HS6ST3: variants seen among roughly 807,000 people sequenced by gnomAD.
The protein encoded by HS6ST3 is heparan-sulfate 6-O-sulfotransferase 3.
In HS6ST3, 12 loss-of-function variants were observed where a neutral mutation model predicts 36.7. The ratio of observed to expected loss-of-function variants is 0.33; its 90% confidence interval spans 0.21 to 0.53. The LOEUF is 0.53. Among genes scored for constraint, HS6ST3 ranks in the 20% least tolerant of loss-of-function variants. HS6ST3 has a pLI of 0.95. For missense variants in HS6ST3, 584 were observed against 640.9 expected, an observed-to-expected ratio of 0.91 and a Z score of 0.96; for synonymous variants, 240 against 257.5, an observed-to-expected ratio of 0.93 and a Z score of 0.65.
intron 1 of HS6ST3, among the ~76,000 whole-genome samples, chr13:96,786,026 G>GC (rs1158812068): frequency 6.6e-6 from 1 of 152,092 alleles, no homozygotes; most frequent in Admixed American, 6.6e-5. Flanking sequence ...TAAACTTTGT[G>GC]CCATAACCTA....
intron 1 of HS6ST3, among the ~76,000 whole-genome samples, chr13:96,518,433 T>A (rs191483146): frequency 6.7e-4 from 102 of 152,314 alleles, no homozygotes; most frequent in African/African-American, 2.2e-3. Flanking sequence ...CTATATATTA[T>A]GTAGCAACTT....
intron 1 of HS6ST3, among the ~76,000 whole-genome samples, chr13:96,783,783 G>A (rs1213366121): frequency 1.3e-5 from 2 of 151,980 alleles, no homozygotes; most frequent in African/African-American, 4.8e-5. Flanking sequence ...AACAGAGCCC[G>A]GAAGTGATGT....
chr13:96,640,350 T>G (rs2056566194), intron 1 of HS6ST3, among the ~76,000 whole-genome samples: 2 of 152,054 alleles, frequency 1.3e-5, no homozygotes, highest in East Asian at 3.9e-4. Context: ...GTTTGTTGGC[T>G]GCTTATATGT....
At chr13:96,105,258 G>A (rs2053836432) in intron 1 of HS6ST3, among the ~76,000 whole-genome samples, 2 of 152,020 alleles carry the variant, frequency 1.3e-5, no homozygotes, top group Admixed American at 1.3e-4. Flanking sequence ...GTTCTAAGCT[G>A]TGGAAAGACA....
At chr13:96,448,127 ATCT>A (rs1490827934) in intron 1 of HS6ST3, among the ~76,000 whole-genome samples, 9 of 152,304 alleles carry the variant, frequency 5.9e-5, no homozygotes, top group African/African-American at 2.2e-4. Context: ...CCCTTCTCAA[ATCT>A]TCTTATCTTT....
intron 1 of HS6ST3, among the ~76,000 whole-genome samples, chr13:96,621,907 G>C (rs994361377): frequency 6.6e-6 from 1 of 152,210 alleles, no homozygotes; most frequent in Non-Finnish European, 1.5e-5. Context: ...GGAAAAGATA[G>C]AGGTTATTAT....
chr13:96,296,351 A>G (rs2054855034), intron 1 of HS6ST3, among the ~76,000 whole-genome samples: 1 of 152,170 alleles, frequency 6.6e-6, no homozygotes, highest in Non-Finnish European at 1.5e-5. Flanking sequence ...TAGAGGAGCA[A>G]TCAGCTCCCA....
intron 1 of HS6ST3, among the ~76,000 whole-genome samples, chr13:96,386,598 G>A (rs143879396): frequency 0.015 from 2,229 of 152,256 alleles, 26 homozygotes; most frequent in Non-Finnish European, 0.024. Flanking sequence ...CGGGTGCAGT[G>A]GCTCACACCT....
intron 1 of HS6ST3, among the ~76,000 whole-genome samples, chr13:96,374,282 G>A (rs2055304162): frequency 6.6e-6 from 1 of 152,074 alleles, no homozygotes; most frequent in Non-Finnish European, 1.5e-5. Flanking sequence ...CAATAATTGG[G>A]ACATTTTTAT....
chr13:96,814,471 CT>C (rs1253187895), intron 1 of HS6ST3, among the ~76,000 whole-genome samples: 1 of 152,066 alleles, frequency 6.6e-6, no homozygotes, highest in Non-Finnish European at 1.5e-5. Flanking sequence ...TGGATCTTGT[CT>C]TTATCTTTGG....
chr13:96,328,070 G>A (rs2055042857), intron 1 of HS6ST3, among the ~76,000 whole-genome samples: 1 of 146,904 alleles, frequency 6.8e-6, no homozygotes, highest in African/African-American at 2.5e-5. Context: ...TCAGCTTAAG[G>A]AGATTTTGGG....
At chr13:96,701,917 A>G (rs901862583) in intron 1 of HS6ST3, among the ~76,000 whole-genome samples, 3 of 152,178 alleles carry the variant, frequency 2.0e-5, no homozygotes, top group African/African-American at 7.2e-5. Context: ...AGCTGACATC[A>G]TGCCACTGCA....
chr13:96,112,578 A>AATATACATACATATAT (rs397773858), intron 1 of HS6ST3, among the ~76,000 whole-genome samples: 4 of 81,224 alleles, frequency 4.9e-5, no homozygotes, highest in Non-Finnish European at 7.0e-5. Flanking sequence ...AAAATAAATA[A>AATATACATACATATAT]ATATATATAT....
At chr13:96,747,895 G>A (rs984147863) in intron 1 of HS6ST3, among the ~76,000 whole-genome samples, 1 of 151,962 alleles carries the variant, frequency 6.6e-6, no homozygotes, top group Non-Finnish European at 1.5e-5. Context: ...CAGGATTGGG[G>A]TAGCTATTAG....
chr13:96,654,600 T>C (rs1215352047), intron 1 of HS6ST3, among the ~76,000 whole-genome samples: 1 of 152,182 alleles, frequency 6.6e-6, no homozygotes, highest in Non-Finnish European at 1.5e-5. Context: ...CGTGCTGTTT[T>C]TGTTACTGCA....
At chr13:96,663,751 A>G (rs985506170) in intron 1 of HS6ST3, among the ~76,000 whole-genome samples, 1 of 152,200 alleles carries the variant, frequency 6.6e-6, no homozygotes, top group East Asian at 1.9e-4. Flanking sequence ...ACGTCCATCA[A>G]TTTTAAAATG....
intron 1 of HS6ST3, among the ~76,000 whole-genome samples, chr13:96,670,597 C>A (rs1345286411): frequency 6.6e-6 from 1 of 152,060 alleles, no homozygotes; most frequent in Non-Finnish European, 1.5e-5. Context: ...ATCCTAGATT[C>A]ATCCAGGGAG....
chr13:96,349,639 G>A (rs1187832761), intron 1 of HS6ST3, among the ~76,000 whole-genome samples: 3 of 152,126 alleles, frequency 2.0e-5, no homozygotes, highest in Non-Finnish European at 4.4e-5. Context: ...CTTATAGCAT[G>A]TTTATCTTTC....
intron 1 of HS6ST3, among the ~76,000 whole-genome samples, chr13:96,306,108 T>TC (rs1474062215): frequency 7.1e-6 from 1 of 140,366 alleles, no homozygotes; most frequent in East Asian, 2.0e-4. Flanking sequence ...TTCTTTTTCT[T>TC]TTTTTTTTTT....
Sources: allele counts gnomAD v4.1 joint callset (sites outside exome capture counted in the v4.1 genomes callset), GRCh38; gene constraint gnomAD v4.1.1; transcripts MANE v1.5; gene names NCBI Gene and HGNC (gene_info 2026-07-23, HGNC 2026-07-21).